RNF17: variants seen among roughly 807,000 people sequenced by gnomAD.
RNF17 encodes spermatogenesis associated 23.
RNF17 carries 31 observed loss-of-function variants against 200.5 expected under a neutral mutation model. That is an observed-to-expected ratio of 0.15 (90% CI 0.12 to 0.21). RNF17 has a LOEUF of 0.21. Among genes scored for constraint, RNF17 ranks in the 10% least tolerant of loss-of-function variants. The pLI, the probability that RNF17 is intolerant of heterozygous loss-of-function variation, is 1.00. For missense variants in RNF17, 1,628 were observed against 1,905.1 expected, an observed-to-expected ratio of 0.85 and a Z score of 2.71; for synonymous variants, 606 against 637.8, an observed-to-expected ratio of 0.95 and a Z score of 0.75.
intron 1 of RNF17, among the ~76,000 whole-genome samples, chr13:24,764,892 T>TGG (rs1477840155): frequency 0.011 from 330 of 31,422 alleles, 3 homozygotes; most frequent in African/African-American, 0.037. Flanking sequence ...TTGTGGGGTG[T>TGG]GTGTGTGTGT....
chr13:24,873,309 A>G (rs1751870164), intron 32 of RNF17, among the ~76,000 whole-genome samples: 1 of 152,228 alleles, frequency 6.6e-6, no homozygotes, highest in Admixed American at 6.5e-5. Flanking sequence ...GGAATTAGTG[A>G]ACAAAGGCTT....
intron 15 of RNF17, among the ~76,000 whole-genome samples, chr13:24,823,108 C>T (rs1566181902): frequency 6.6e-6 from 1 of 152,056 alleles, no homozygotes; most frequent in African/African-American, 2.4e-5. Flanking sequence ...GAGTCTGGCT[C>T]TGTCACCCAC....
At chr13:24,883,439 TGAAA>T, downstream of RNF17, 2 of 1,277,812 alleles carry the variant, frequency 1.6e-6, no homozygotes, top group Non-Finnish European at 2.2e-6. Context: ...GAAAAACTAC[TGAAA>T]AGTAGCCTTT....
the RNF17 span, among the ~76,000 whole-genome samples, chr13:24,752,670 C>T: frequency 6.6e-6 from 1 of 152,258 alleles, no homozygotes; most frequent in Non-Finnish European, 1.5e-5. Flanking sequence ...CTGCCTCATC[C>T]TGCACTGTGG....
downstream of RNF17, chr13:24,884,345 T>C (rs753469048): frequency 6.2e-7 from 1 of 1,614,200 alleles, no homozygotes; most frequent in East Asian, 2.2e-5. Flanking sequence ...TGGCATGACC[T>C]GCTTCACGTC....
At chr13:24,888,006 CTA>C in the RNF17 span, among the ~76,000 whole-genome samples, 1 of 152,228 alleles carries the variant, frequency 6.6e-6, no homozygotes, top group Non-Finnish European at 1.5e-5. Context: ...TGCCACTCAT[CTA>C]TGTCTTTACG....
chr13:24,862,701 A>T lies in RNF17; in HGVS notation c.3895-12A>T. The T allele has an allele frequency of 6.4e-7, 1 of 1,555,864 alleles. No homozygotes were observed. Among genetic ancestry groups the T allele is most frequent in the Non-Finnish European group, 8.9e-7 (1 of 1,128,158 alleles). On this transcript the variant is annotated splice_polypyrimidine_tract_variant and intron_variant, in intron 27 of 35. Coordinates refer to ENST00000255324, the MANE Select transcript of RNF17 (RefSeq NM_031277.3). ...AAGCATAAAAGAATCTGAGTTTATT[A>T]ATCTCAAATAGGTTGGGAATGTCTG...
At chr13:24,767,141 A>T (rs1182232089) in intron 1 of RNF17, 131 bp from the exon 2 acceptor site, 1 of 615,512 alleles carries the variant, frequency 1.6e-6, no homozygotes, top group Admixed American at 2.8e-5. Context: ...AGGTAGGAGG[A>T]TCACTTGAGC....
rs1002198186 is a variant in RNF17, at chr13:24,813,602, C to T, written c.2091+9173C>T. Among the ~76,000 whole-genome samples the T allele has an allele frequency of 4.6e-5, 7 of 152,018 alleles. No individual in the cohort carries two copies. The East Asian group carries it at 9.6e-4, about 21-fold the overall frequency. ...AGTGGTAGTGGTGGATACCAACCCC[C>T]GTGTAGTCAAATATTTGCGTGTAAC... On this transcript the variant is annotated intron_variant, in intron 15 of 35. Transcript: ENST00000255324.
At chr13:24,777,240 T>C (rs1881697086) in intron 3 of RNF17, among the ~76,000 whole-genome samples, 1 of 152,236 alleles carries the variant, frequency 6.6e-6, no homozygotes, top group Admixed American at 6.5e-5. Flanking sequence ...TTTCAAAGAA[T>C]AGAATGTTTA....
intron 9 of RNF17, among the ~76,000 whole-genome samples, chr13:24,790,119 G>A (rs1220968711): frequency 1.3e-5 from 2 of 152,140 alleles, no homozygotes; most frequent in African/African-American, 4.8e-5. Context: ...GGTAATGTAT[G>A]CAGAATTTAC....
Position 24,764,174 on chromosome 13 carries a change from CG to C in RNF17, c.-28del. The C allele has an allele frequency of 6.4e-7, 1 of 1,561,654 alleles. No homozygotes were observed. The highest frequency in any genetic ancestry group is 1.7e-5 in the Admixed American group (1 of 57,822). Reference sequence around the variant, plus strand: ...CGCGAGGGCCGCCGGGACTCGCACTCGGCGGTTGTTCCAGAAGAAAGAGACA... The same window carrying C: ...CGCGAGGGCCGCCGGGACTCGCACTCGCGGTTGTTCCAGAAGAAAGAGACA... On this transcript the variant is annotated 5_prime_UTR_variant, in exon 1 of 36. Transcript: ENST00000255324.
At chr13:24,862,887 T>TC in intron 28 of RNF17, 94 bp downstream of exon 28, 1 of 672,572 alleles carries the variant, frequency 1.5e-6, no homozygotes, top group East Asian at 3.0e-5. Flanking sequence ...TAAGCAATGG[T>TC]ATATACCTTC....
chr13:24,882,869 TCTTG>T (rs1280724076), downstream of RNF17: 3 of 210,402 alleles, frequency 1.4e-5, no homozygotes, highest in Non-Finnish European at 3.1e-5. Context: ...TTCCTGTACT[TCTTG>T]GTTTTTTTTT....
chr13:24,838,358 A>G (rs773786437), intron 18 of RNF17, among the ~76,000 whole-genome samples: 9 of 152,174 alleles, frequency 5.9e-5, no homozygotes, highest in Non-Finnish European at 1.3e-4. Context: ...CCTAATACCA[A>G]AGCCAGGAAA....
chr13:24,762,379 A>T (rs1469101670), upstream of RNF17, among the ~76,000 whole-genome samples: 39 of 94,834 alleles, frequency 4.1e-4, no homozygotes, highest in Non-Finnish European at 5.2e-4. Context: ...TAAAAAAAAA[A>T]AAAAAAAAAA....
chr13:24,761,932 C>T (rs1003242126), upstream of RNF17, among the ~76,000 whole-genome samples: 3 of 152,098 alleles, frequency 2.0e-5, no homozygotes, highest in Admixed American at 6.5e-5. Flanking sequence ...AACACCTATG[C>T]AATGAGATTG....
chr13:24,820,797 T>C (rs557292771), intron 15 of RNF17, among the ~76,000 whole-genome samples: 78 of 152,284 alleles, frequency 5.1e-4, no homozygotes, highest in African/African-American at 1.8e-3. Flanking sequence ...TCTTTGTATA[T>C]GACATGTTGC....
upstream of RNF17, among the ~76,000 whole-genome samples, chr13:24,761,364 A>G (rs1878727127): frequency 6.6e-6 from 1 of 152,204 alleles, no homozygotes; most frequent in African/African-American, 2.4e-5. Context: ...CATGGATTTG[A>G]TTTCAGGTGC....
Sources: allele counts gnomAD v4.1 joint callset (sites outside exome capture counted in the v4.1 genomes callset), GRCh38; gene constraint gnomAD v4.1.1; transcripts MANE v1.5; gene names NCBI Gene and HGNC (gene_info 2026-07-23, HGNC 2026-07-21).